Variants in TUBB6 observed in about 807,000 individuals in gnomAD.
The protein encoded by TUBB6 is tubulin beta 6 class V.
Under a neutral mutation model 32.3 loss-of-function variants are expected in TUBB6, and 18 were observed. The observed-to-expected ratio is 0.56, with a 90% CI of 0.39 to 0.83. The LOEUF (loss-of-function observed/expected upper bound fraction) is 0.83. Among genes scored for constraint, TUBB6 ranks in the 40% least tolerant of loss-of-function variants. The pLI is 0.00. For synonymous variants in TUBB6, 280 were observed against 265.8 expected (o/e 1.05, Z -0.52); for missense variants, 480 against 632.0 (o/e 0.76, Z 2.58).
intron 2 of TUBB6, among the ~76,000 whole-genome samples, chr18:12,310,464 C>T (rs1374675696): frequency 6.7e-6 from 1 of 148,686 alleles, no homozygotes; most frequent in Non-Finnish European, 1.5e-5. Flanking sequence ...GCATTCCAGC[C>T]TGGGCAACAG....
chr18:12,310,346 C>T (rs1906299513), intron 2 of TUBB6, among the ~76,000 whole-genome samples: 1 of 151,874 alleles, frequency 6.6e-6, no homozygotes, highest in East Asian at 1.9e-4. Flanking sequence ...AAAAAATTAG[C>T]CGGGCGTGGT....
chr18:12,324,933 G>T (rs1314655744), intron 3 of TUBB6, 134 bp from the exon 4 acceptor site: 2 of 1,495,018 alleles, frequency 1.3e-6, no homozygotes, highest in Non-Finnish European at 1.8e-6. Flanking sequence ...GTTGGTGGGT[G>T]CCTGTTTCCC....
chr18:12,311,174 C>G (rs1906360688), intron 3 of TUBB6, 121 bp downstream of exon 3: 3 of 835,666 alleles, frequency 3.6e-6, no homozygotes, highest in Admixed American at 2.6e-5. Context: ...CAGTGGTTCC[C>G]AGCCCCACCC....
At chr18:12,317,835 ACAACTCC>A (rs1364891034) in intron 3 of TUBB6, among the ~76,000 whole-genome samples, 1 of 152,240 alleles carries the variant, frequency 6.6e-6, no homozygotes, top group Non-Finnish European at 1.5e-5. Context: ...TGTTCAGTTC[ACAACTCC>A]CAAATATTTA....
At position 12,325,471 on chromosome 18, in the gene TUBB6, C is replaced by T. The variant is rs1907243839; in HGVS notation, c.682C>T (p.Leu228=). 2 of 1,614,136 alleles carry T rather than the reference C, an allele frequency of 1.2e-6. No individual in the cohort carries two copies. Among genetic ancestry groups the T allele is most frequent in the East Asian group, 2.2e-5 (1 of 44,890 alleles). The stretch of plus-strand genomic sequence containing the variant: ...GCCCACCTACGGGGACCTCAACCAC[C>T]TGGTGTCCGCCACCATGAGTGGGGT... ...TTPTYGDLNH[L]VSATMSGVTT... The change falls in exon 4 of 4, where the codon CTG becomes TTG. Residue 228 remains leucine, a synonymous_variant. Transcript: ENST00000317702.
intron 3 of TUBB6, 76 bp from the exon 4 acceptor site, chr18:12,324,991 C>T: frequency 6.6e-7 from 1 of 1,521,274 alleles, no homozygotes; most frequent in Non-Finnish European, 8.8e-7. Context: ...ACTTCACACC[C>T]TCCTTGTCGG....
chr18:12,329,154 C>T (rs1480264943), downstream of TUBB6: 1 of 702,986 alleles, frequency 1.4e-6, no homozygotes, highest in East Asian at 2.7e-5. Flanking sequence ...AGCCCATCTG[C>T]ACAGGGGAAC....
intron 2 of TUBB6, 85 bp downstream of exon 2, chr18:12,308,880 C>A (rs1906181055): frequency 2.2e-6 from 2 of 906,022 alleles, no homozygotes; most frequent in South Asian, 1.3e-5. Flanking sequence ...GAGTTTGCTT[C>A]GGGAAAAGTT....
At chr18:12,324,424 C>G (rs549441371) in intron 3 of TUBB6, among the ~76,000 whole-genome samples, 65 of 146,142 alleles carry the variant, frequency 4.4e-4, no homozygotes, top group African/African-American at 1.6e-3. Context: ...GTATAAGATT[C>G]AGAAAGCCCA....
chr18:12,308,631 C>T (rs1906150234), intron 1 of TUBB6, 56 bp from the exon 2 acceptor site: 2 of 1,292,398 alleles, frequency 1.5e-6, no homozygotes, highest in Non-Finnish European at 1.1e-6. Flanking sequence ...GCGCGGGTGG[C>T]GGCGTCCCGG....
At chr18:12,324,501 G>A (rs1157799451) in intron 3 of TUBB6, among the ~76,000 whole-genome samples, 2 of 148,764 alleles carry the variant, frequency 1.3e-5, no homozygotes, top group Non-Finnish European at 3.0e-5. Context: ...GGAGTGCAGT[G>A]GCACCATCTC....
At chr18:12,318,605 G>T (rs936723562) in intron 3 of TUBB6, among the ~76,000 whole-genome samples, 1 of 152,024 alleles carries the variant, frequency 6.6e-6, no homozygotes, top group Non-Finnish European at 1.5e-5. Flanking sequence ...AAGACAATAG[G>T]AGAGAAAGGC....
intron 3 of TUBB6, among the ~76,000 whole-genome samples, chr18:12,314,080 C>T (rs957061532): frequency 6.6e-6 from 1 of 152,232 alleles, no homozygotes; most frequent in Admixed American, 6.5e-5. Context: ...CAGCTTCTTT[C>T]TGGACCACAT....
chr18:12,313,690 A>T (rs768838103), intron 3 of TUBB6, among the ~76,000 whole-genome samples: 9 of 152,258 alleles, frequency 5.9e-5, no homozygotes, highest in Non-Finnish European at 7.3e-5. Flanking sequence ...GAAGCTGCTA[A>T]GACCTAGTGT....
downstream of TUBB6, among the ~76,000 whole-genome samples, chr18:12,326,779 C>A (rs1358572393): frequency 1.3e-5 from 2 of 152,186 alleles, no homozygotes; most frequent in African/African-American, 2.4e-5. Flanking sequence ...AAAAGCCCCT[C>A]CTCCATCCGC....
In TUBB6 at chr18:12,326,061, G is replaced by A. The variant is rs745983731; in HGVS notation, c.1272G>A (p.Gln424=). The change falls in exon 4 of 4, where the codon CAG becomes CAA. Residue 424 remains glutamine, a synonymous_variant. Transcript: ENST00000317702. ...ACGACCTGGTATCCGAGTACCAGCA[G>A]TACCAGGATGCCACCGCCAATGACG... ...NMNDLVSEYQ[Q]YQDATANDGE... is the part of the protein sequence containing the mutation. The A allele has an allele frequency of 1.1e-5, 17 of 1,614,058 alleles. No homozygotes were observed. The highest frequency in any genetic ancestry group is 1.4e-5 in the Non-Finnish European group (17 of 1,180,036).
downstream of TUBB6, among the ~76,000 whole-genome samples, chr18:12,327,693 C>T (rs1215765671): frequency 6.6e-6 from 1 of 152,222 alleles, no homozygotes; most frequent in Admixed American, 6.5e-5. Flanking sequence ...GCACAGAGGG[C>T]CACTTGCACA....
At position 12,311,002 on chromosome 18, in the gene TUBB6, G is replaced by T; in HGVS notation, c.226G>T (p.Val76Leu). The T allele has an allele frequency of 6.2e-7, 1 of 1,613,798 alleles. No individual in the cohort carries two copies. Among genetic ancestry groups the T allele is most frequent in the Non-Finnish European group, 8.5e-7 (1 of 1,179,784 alleles). ...VDLEPGTMDS[V>L]RSGPFGQLFR... ...CTTAGAGCCAGGCACCATGGACAGC[G>T]TGCGGTCTGGGCCTTTTGGGCAGCT... Residue 76 changes from valine (V) to leucine (L), a missense_variant, in exon 3 of 4, where the codon GTG (valine) becomes TTG (leucine). Physicochemically the swap from Val to Leu is conservative, Grantham distance 32 (BLOSUM62 1). Coordinates refer to ENST00000317702, the MANE Select transcript of TUBB6 (RefSeq NM_032525.3).
At chr18:12,319,996 G>A (rs112089575) in intron 3 of TUBB6, among the ~76,000 whole-genome samples, 7,579 of 152,032 alleles carry the variant, frequency 0.05, 276 homozygotes, top group Non-Finnish European at 0.071. Context: ...CACCATGTTA[G>A]CGAGGATGGT....
Sources: allele counts gnomAD v4.1 joint callset (sites outside exome capture counted in the v4.1 genomes callset), GRCh38; gene constraint gnomAD v4.1.1; transcripts MANE v1.5; gene names NCBI Gene and HGNC (gene_info 2026-07-23, HGNC 2026-07-21).